GALNT17: variants seen among roughly 807,000 people sequenced by gnomAD.
GALNT17 encodes the protein polypeptide N-acetylgalactosaminyltransferase 17.
A neutral mutation model predicts 63.7 loss-of-function variants in GALNT17; 29 were observed. That is an observed-to-expected ratio of 0.46 (90% CI 0.34 to 0.62). The LOEUF is 0.62. Among genes scored for constraint, GALNT17 ranks in the 20% least tolerant of loss-of-function variants. The pLI is 0.01. For synonymous variants in GALNT17, 305 were observed against 318.3 expected (o/e 0.96, Z 0.45); for missense variants, 603 against 799.6 (o/e 0.75, Z 2.97).
chr7:71,269,696 C>T (rs1790552198), intron 1 of GALNT17, among the ~76,000 whole-genome samples: 2 of 152,174 alleles, frequency 1.3e-5, no homozygotes, highest in Admixed American at 1.3e-4. Context: ...GGCTGTGCCA[C>T]ACTTTGTAAA....
At chr7:71,486,564 C>T (rs1009436132) in intron 5 of GALNT17, among the ~76,000 whole-genome samples, 1 of 151,578 alleles carries the variant, frequency 6.6e-6, no homozygotes, top group African/African-American at 2.4e-5. Context: ...GCCGAAGAGC[C>T]TCTCTCTTCT....
chr7:71,228,454 C>T (rs950384448), intron 1 of GALNT17, among the ~76,000 whole-genome samples: 27 of 152,248 alleles, frequency 1.8e-4, no homozygotes, highest in Middle Eastern at 3.4e-3. Flanking sequence ...AACTTAAGGC[C>T]TTCAAACAAC....
At chr7:71,515,098 G>A (rs1236716629) in intron 5 of GALNT17, among the ~76,000 whole-genome samples, 2 of 152,164 alleles carry the variant, frequency 1.3e-5, no homozygotes, top group Non-Finnish European at 2.9e-5. Context: ...CCAGCCATGT[G>A]GAACTGTGAG....
chr7:71,389,180 C>G (rs1793005769), intron 3 of GALNT17, among the ~76,000 whole-genome samples: 1 of 151,948 alleles, frequency 6.6e-6, no homozygotes, highest in African/African-American at 2.4e-5. Context: ...ATCACCCAGG[C>G]TGGAGTGCAG....
At chr7:71,250,297 A>T (rs1295940937) in intron 1 of GALNT17, among the ~76,000 whole-genome samples, 1 of 152,178 alleles carries the variant, frequency 6.6e-6, no homozygotes, top group Non-Finnish European at 1.5e-5. Flanking sequence ...TTTTGAACTT[A>T]AAAAATAATG....
At chr7:71,674,029 G>A (rs2117061423) in intron 8 of GALNT17, among the ~76,000 whole-genome samples, 1 of 152,292 alleles carries the variant, frequency 6.6e-6, no homozygotes, top group African/African-American at 2.4e-5. Flanking sequence ...GTACAGTGGG[G>A]GTGGCATTGG....
chr7:71,598,221 C>T (rs1789916409), intron 6 of GALNT17, among the ~76,000 whole-genome samples: 1 of 152,168 alleles, frequency 6.6e-6, no homozygotes, highest in Admixed American at 6.5e-5. Context: ...GGATTACAGG[C>T]ATGAGCCACC....
intron 5 of GALNT17, among the ~76,000 whole-genome samples, chr7:71,438,231 GAAGCCAGTCC>G (rs1787002534): frequency 6.6e-6 from 1 of 152,208 alleles, no homozygotes; most frequent in Admixed American, 6.5e-5. Flanking sequence ...GGGGAGCAAG[GAAGCCAGTCC>G]AAGTTCCAAA....
At chr7:71,136,169 G>T (rs1178307603) in intron 1 of GALNT17, among the ~76,000 whole-genome samples, 3 of 152,168 alleles carry the variant, frequency 2.0e-5, no homozygotes, top group Non-Finnish European at 2.9e-5. Flanking sequence ...TCCGCCTGCT[G>T]CAGTGGGAGG....
At chr7:71,236,194 TA>T (rs199795897) in intron 1 of GALNT17, among the ~76,000 whole-genome samples, 102 of 144,122 alleles carry the variant, frequency 7.1e-4, no homozygotes, top group African/African-American at 1.7e-3. Flanking sequence ...AAAAATTAAA[TA>T]AAAAAAAAAA....
chr7:71,285,444 G>A (rs930022400), intron 1 of GALNT17, among the ~76,000 whole-genome samples: 1 of 152,114 alleles, frequency 6.6e-6, no homozygotes, highest in Non-Finnish European at 1.5e-5. Context: ...CTCTCCACTT[G>A]CTATGTGAGC....
intron 5 of GALNT17, among the ~76,000 whole-genome samples, chr7:71,424,325 A>C (rs756329085): frequency 6.6e-6 from 1 of 152,184 alleles, no homozygotes; most frequent in Non-Finnish European, 1.5e-5. Context: ...TCACACTGAT[A>C]CACGGGAGAC....
At chr7:71,388,480 G>A (rs1792991187) in intron 3 of GALNT17, 79 bp downstream of exon 3, 4 of 1,525,606 alleles carry the variant, frequency 2.6e-6, no homozygotes, top group Middle Eastern at 1.9e-4. Flanking sequence ...GCGAGCCCGA[G>A]CATCTGTGTC....
At chr7:71,306,239 C>T (rs1195124484) in intron 1 of GALNT17, among the ~76,000 whole-genome samples, 1 of 150,418 alleles carries the variant, frequency 6.6e-6, no homozygotes, top group African/African-American at 2.4e-5. Flanking sequence ...AAAATAAATT[C>T]TAATTTTGGT....
chr7:71,509,291 G>C (rs560990368), intron 5 of GALNT17, among the ~76,000 whole-genome samples: 67 of 152,308 alleles, frequency 4.4e-4, no homozygotes, highest in African/African-American at 1.6e-3. Flanking sequence ...AGGCTAAGCT[G>C]TGATATTCTG....
At chr7:71,458,389 G>A (rs1226521563) in intron 5 of GALNT17, among the ~76,000 whole-genome samples, 1 of 152,206 alleles carries the variant, frequency 6.6e-6, no homozygotes, top group Non-Finnish European at 1.5e-5. Context: ...GCGGGGGCGA[G>A]TGCTTTTGGG....
intron 5 of GALNT17, among the ~76,000 whole-genome samples, chr7:71,456,547 C>G (rs921344363): frequency 6.6e-6 from 1 of 151,952 alleles, no homozygotes; most frequent in Non-Finnish European, 1.5e-5. Flanking sequence ...GAAACCCTGT[C>G]TCTACTAAAA....
chr7:71,394,058 A>C (rs2116363057), intron 3 of GALNT17, among the ~76,000 whole-genome samples: 1 of 152,266 alleles, frequency 6.6e-6, no homozygotes, highest in African/African-American at 2.4e-5. Context: ...TTCTACAAAG[A>C]ATACTTGAGT....
chr7:71,670,253 A>G (rs915472885), intron 8 of GALNT17, 144 bp downstream of exon 8: 2 of 1,128,504 alleles, frequency 1.8e-6, no homozygotes, highest in Admixed American at 4.0e-5. Context: ...GATTCTCTCT[A>G]GCTGGGGGGT....
Sources: gnomAD v4.1 joint callset for allele counts (sites outside exome capture counted in the v4.1 genomes callset) on GRCh38, gnomAD v4.1.1 for gene constraint, MANE v1.5 for transcripts, NCBI Gene and HGNC (gene_info 2026-07-23, HGNC 2026-07-21) for gene names.